Variants in RANBP2 observed in about 807,000 individuals in gnomAD.
RANBP2 encodes RAN binding protein 2, also known as E3 SUMO-protein ligase RanBP2.
RANBP2 carries 57 observed loss-of-function variants against 303.6 expected under a neutral mutation model. The observed-to-expected ratio is 0.19, with a 90% confidence interval of 0.15 to 0.23. RANBP2 has a LOEUF of 0.23. RANBP2 is among the 10% of genes least tolerant of loss of function. The pLI, the probability that RANBP2 is intolerant of heterozygous loss-of-function variation, is 1.00. For synonymous variants in RANBP2, 1,167 were observed against 1,301.5 expected (o/e 0.90, Z 2.23); for missense variants, 3,138 against 3,780.8 (o/e 0.83, Z 4.46).
the RANBP2 span, among the ~76,000 whole-genome samples, chr2:109,321,585 ACAAT>A: frequency 3.3e-5 from 5 of 152,258 alleles, no homozygotes; most frequent in Non-Finnish European, 7.3e-5. Flanking sequence ...AGGAGATGAG[ACAAT>A]CAATAGAGGA....
chr2:109,624,743 T>C, the RANBP2 span, among the ~76,000 whole-genome samples: 1 of 152,174 alleles, frequency 6.6e-6, no homozygotes, highest in South Asian at 2.1e-4. Flanking sequence ...TTGCGTATGC[T>C]GCACCAGTGG....
chr2:108,748,140 T>C (rs529247185), intron 8 of RANBP2, among the ~76,000 whole-genome samples: 3 of 152,188 alleles, frequency 2.0e-5, no homozygotes, highest in Non-Finnish European at 4.4e-5. Flanking sequence ...TCCGAGACTA[T>C]GATTTTTTGA....
rs1195404273 is a variant in RANBP2, at chr2:108,763,763, C to T, written c.3224C>T (p.Pro1075Leu). Reference sequence around the variant, plus strand: ...TTAGGTCTCCTGACTTCAGATAAACCCTTGCAAGGAGATGGCTATAGTGGA... The same window carrying T: ...TTAGGTCTCCTGACTTCAGATAAACTCTTGCAAGGAGATGGCTATAGTGGA... ...SLLGLLTSDK[P>L]LQGDGYSGAK... The change falls in exon 20 of 29, where the codon CCC becomes CTC. Residue 1075 changes from proline (P) to leucine (L), a missense_variant. Pro to Leu is a moderately conservative substitution (Grantham distance 98, BLOSUM62 -3). Transcript: ENST00000283195. 1 of 1,613,926 alleles carries T rather than the reference C, an allele frequency of 6.2e-7. No individual in the cohort carries two copies. The highest frequency in any genetic ancestry group is 8.5e-7 in the Non-Finnish European group (1 of 1,179,962).
chr2:109,176,581 T>C, the RANBP2 span, among the ~76,000 whole-genome samples: 1 of 152,032 alleles, frequency 6.6e-6, no homozygotes, highest in African/African-American at 2.4e-5. Flanking sequence ...AAAATTAAAA[T>C]AAAAAATTAG....
chr2:109,375,703 C>T, the RANBP2 span, among the ~76,000 whole-genome samples: 1 of 152,254 alleles, frequency 6.6e-6, no homozygotes, highest in African/African-American at 2.4e-5. Flanking sequence ...TCTGCCCTCT[C>T]TGTGGCATGA....
At chr2:108,843,879 T>TG in the RANBP2 span, among the ~76,000 whole-genome samples, 165 of 126,220 alleles carry the variant, frequency 1.3e-3, 1 homozygote, top group African/African-American at 3.8e-3. Context: ...TGTGTGTGTG[T>TG]TTCTTTCTTT....
chr2:109,129,391 G>A, the RANBP2 span: 5 of 1,343,878 alleles, frequency 3.7e-6, no homozygotes, highest in South Asian at 6.5e-5. Flanking sequence ...ACTTCGCACC[G>A]CCACAGCCCT....
At chr2:109,511,835 G>A in the RANBP2 span, among the ~76,000 whole-genome samples, 2 of 152,212 alleles carry the variant, frequency 1.3e-5, no homozygotes, top group East Asian at 1.9e-4. Flanking sequence ...CAGAGAGAGA[G>A]GTGAGGTCCT....
the RANBP2 span, among the ~76,000 whole-genome samples, chr2:109,592,451 C>G: frequency 6.6e-6 from 1 of 150,470 alleles, no homozygotes; most frequent in Non-Finnish European, 1.5e-5. Flanking sequence ...GGCGACAGAG[C>G]AAAGCTCTGT....
At chr2:109,170,278 T>C in the RANBP2 span, among the ~76,000 whole-genome samples, 4 of 127,752 alleles carry the variant, frequency 3.1e-5, no homozygotes, top group African/African-American at 5.7e-5. Context: ...TCTTCTCTTC[T>C]CTTCTCTTCT....
At chr2:108,902,137 C>T in the RANBP2 span, among the ~76,000 whole-genome samples, 6 of 151,232 alleles carry the variant, frequency 4.0e-5, no homozygotes, top group Admixed American at 4.0e-4. Flanking sequence ...ACCCAGGAGG[C>T]TGAGAAAGGA....
At chr2:109,023,287 C>A in the RANBP2 span, among the ~76,000 whole-genome samples, 2 of 152,066 alleles carry the variant, frequency 1.3e-5, no homozygotes, top group Non-Finnish European at 2.9e-5. Flanking sequence ...GTAAAGGATC[C>A]CAAACTTCAG....
At chr2:109,200,952 G>C in the RANBP2 span, among the ~76,000 whole-genome samples, 1 of 152,106 alleles carries the variant, frequency 6.6e-6, no homozygotes, top group Non-Finnish European at 1.5e-5. Context: ...CAGTGGCCCG[G>C]GGCCCACCCA....
chr2:109,001,899 T>G, the RANBP2 span, among the ~76,000 whole-genome samples: 1 of 151,996 alleles, frequency 6.6e-6, no homozygotes, highest in East Asian at 1.9e-4. Flanking sequence ...CTGGCTTTTT[T>G]TTTTGTATTT....
At chr2:109,766,567 C>G in the RANBP2 span, among the ~76,000 whole-genome samples, 1 of 150,496 alleles carries the variant, frequency 6.6e-6, no homozygotes, top group Non-Finnish European at 1.5e-5. Context: ...TCCAGATTCT[C>G]TTTTGTGAAA....
the RANBP2 span, among the ~76,000 whole-genome samples, chr2:109,214,965 C>T: frequency 6.6e-6 from 1 of 152,180 alleles, no homozygotes; most frequent in Non-Finnish European, 1.5e-5. Flanking sequence ...AGAAGGGGCA[C>T]GTCGCTGAGC....
the RANBP2 span, among the ~76,000 whole-genome samples, chr2:109,152,805 A>T: frequency 6.6e-6 from 1 of 152,120 alleles, no homozygotes; most frequent in East Asian, 1.9e-4. Context: ...TGGGGTGCCT[A>T]TCACCGTCTC....
rs75339472 is a variant in RANBP2, at chr2:108,734,049, A to G, written c.406-1483A>G. Among the ~76,000 whole-genome samples the G allele has an allele frequency of 1.4e-4, 21 of 152,232 alleles. No homozygotes were observed. The East Asian group carries it at 4.0e-3, about 29-fold the overall frequency. ...AGCACTCATAGTGGTTTTTAAAAAT[A>G]TTTTTAACATAGAGTCAAAGACTAG... On this transcript the variant is annotated intron_variant, in intron 4 of 28. Coordinates refer to ENST00000283195, the MANE Select transcript of RANBP2 (RefSeq NM_006267.5).
At chr2:109,009,184 A>G in the RANBP2 span, among the ~76,000 whole-genome samples, 3 of 151,564 alleles carry the variant, frequency 2.0e-5, no homozygotes, top group African/African-American at 4.8e-5. Flanking sequence ...CTAAAAATAC[A>G]AAAAAATTAG....
Sources: allele counts gnomAD v4.1 joint callset (sites outside exome capture counted in the v4.1 genomes callset), GRCh38; gene constraint gnomAD v4.1.1; transcripts MANE v1.5; gene names NCBI Gene and HGNC (gene_info 2026-07-23, HGNC 2026-07-21).